CALM2: variants seen among roughly 807,000 people sequenced by gnomAD.
CALM2 encodes the protein calmodulin 2.
Under a neutral mutation model 19.8 loss-of-function variants are expected in CALM2, and 2 were observed. The observed-to-expected ratio is 0.10, with a 90% CI of 0.04 to 0.32. The LOEUF is 0.32. CALM2 is among the 10% of genes least tolerant of loss of function. CALM2 has a pLI of 1.00. For synonymous variants in CALM2, 51 were observed against 52.1 expected (o/e 0.98, Z 0.09); for missense variants, 38 against 178.7 (o/e 0.21, Z 4.49).
chr2:47,176,401 C>A (rs200432431), intron 1 of CALM2, 40 bp downstream of exon 1: 11 of 1,610,816 alleles, frequency 6.8e-6, no homozygotes, highest in Middle Eastern at 1.6e-4. Flanking sequence ...AGTCTCTTCC[C>A]CCCACAGGCC....
upstream of CALM2, chr2:47,176,932 C>G (rs962492982): frequency 1.2e-5 from 12 of 985,342 alleles, no homozygotes; most frequent in Non-Finnish European, 1.4e-5. Context: ...GCTGTCCTGG[C>G]AACTGCGCCA....
At chr2:47,161,167 CTAAGT>C (rs1687141848) in intron 5 of CALM2, among the ~76,000 whole-genome samples, 1 of 152,106 alleles carries the variant, frequency 6.6e-6, no homozygotes, top group Admixed American at 6.6e-5. Flanking sequence ...ATGCTCTTTT[CTAAGT>C]TAAGTAGTTA....
At position 47,170,617 on chromosome 2, in the gene CALM2, T is replaced by A. The variant is rs1399425711; in HGVS notation, c.34+117A>T. 4.8e-6 allele frequency: 4 copies of A among 827,592 alleles called. No individual in the cohort carries two copies. The African/African-American group carries it at 6.7e-5, about 14-fold the overall frequency. The allele number at this position is 827,592 out of a possible 1,614,324, so 51.3% of individuals were successfully genotyped here. A position where few individuals can be genotyped will look rare whatever the true frequency, so the allele number is the denominator to read the frequency against. On this transcript the variant is annotated intron_variant, in intron 2 of 5. Coordinates refer to ENST00000272298, the MANE Select transcript of CALM2 (RefSeq NM_001743.6). ...TACTGTATTATATTATACCCATATG[T>A]TAGTATCCATGACATATACCAAAGT...
In CALM2 at chr2:47,162,887, C is replaced by T. The variant is rs1027478; in HGVS notation, c.35-225G>A. 0.5 allele frequency: 217,135 copies of T among 434,986 alleles called. 58,185 individuals are homozygous for T. Among genetic ancestry groups the T allele is most frequent in the East Asian group, 0.74 (19,049 of 25,618 alleles). The allele number at this position is 434,986 out of a possible 1,614,324, so 26.9% of individuals were successfully genotyped here. On this transcript the variant is annotated intron_variant, in intron 2 of 5. Transcript: ENST00000272298. Reference sequence around the variant, plus strand: ...TAGCAATTGAAATGTGACTTTGACTCCTAAAGATTAACCAATCTTTATGAT... The same window carrying T: ...TAGCAATTGAAATGTGACTTTGACTTCTAAAGATTAACCAATCTTTATGAT...
chr2:47,172,737 C>A, intron 1 of CALM2: 1 of 212,664 alleles, frequency 4.7e-6, no homozygotes, highest in African/African-American at 2.6e-5. Context: ...GACACTGCAG[C>A]CTGTGTGAAA....
At chr2:47,169,740 T>G (rs1414158795) in intron 2 of CALM2, among the ~76,000 whole-genome samples, 1 of 152,172 alleles carries the variant, frequency 6.6e-6, no homozygotes, top group Admixed American at 6.5e-5. Flanking sequence ...AACTTCTATA[T>G]GCTTATGGAA....
upstream of CALM2, chr2:47,176,766 T>C (rs1666888061): frequency 1.0e-6 from 1 of 985,312 alleles, no homozygotes. Flanking sequence ...TGAGGGGCGC[T>C]ACTTTGCGGC....
At chr2:47,176,880 G>T, upstream of CALM2, 1 of 985,390 alleles carries the variant, frequency 1.0e-6, no homozygotes, top group Non-Finnish European at 1.2e-6. Flanking sequence ...CGCAGCCGCC[G>T]CCGGGACGCG....
rs1033600059 is a variant in CALM2 at position 47,169,139 on chromosome 2, G to A, written c.34+1595C>T. ...CATCAACTATGCAATGGCACACTGAGTAACGTTTTCTACCCTAAAGTGAAC... is the reference window on the plus strand; with the variant it reads ...CATCAACTATGCAATGGCACACTGAATAACGTTTTCTACCCTAAAGTGAAC... On this transcript the variant is annotated intron_variant, in intron 2 of 5. Coordinates refer to ENST00000272298, the MANE Select transcript of CALM2 (RefSeq NM_001743.6). Among the ~76,000 whole-genome samples the A allele has an allele frequency of 2.6e-5, 4 of 152,178 alleles. No homozygotes were observed. The South Asian group carries it at 8.3e-4, about 32-fold the overall frequency.
At chr2:47,164,534 T>C (rs979472593) in intron 2 of CALM2, among the ~76,000 whole-genome samples, 1 of 150,096 alleles carries the variant, frequency 6.7e-6, no homozygotes, top group African/African-American at 2.5e-5. Context: ...GAGGCGGAGG[T>C]TGCAGTGAGC....
rs1396956867 is a variant in CALM2 at position 47,162,607 on chromosome 2, T to C, written c.90A>G (p.Thr30=). ...FDKDGDGTIT[T]KELGTVMRSL... is the part of the protein sequence containing the mutation. Reference sequence around the variant, plus strand: ...ATCTCATTACAGTTCCCAATTCCTTTGTTGTTATAGTTCCATCACCATCTT... The same window carrying C: ...ATCTCATTACAGTTCCCAATTCCTTCGTTGTTATAGTTCCATCACCATCTT... Residue 30 remains threonine, a synonymous_variant, in exon 3 of 6, where the codon ACA becomes ACG. Coordinates refer to ENST00000272298, the MANE Select transcript of CALM2 (RefSeq NM_001743.6). 1 of 1,613,338 alleles carries C rather than the reference T, an allele frequency of 6.2e-7. No homozygotes were observed. The highest frequency in any genetic ancestry group is 1.1e-5 in the South Asian group (1 of 90,892).
intron 1 of CALM2, among the ~76,000 whole-genome samples, chr2:47,174,872 T>A (rs1666795894): frequency 6.6e-6 from 1 of 152,142 alleles, no homozygotes; most frequent in South Asian, 2.1e-4. Context: ...AGCATCAAGA[T>A]GAAGCAAATC....
chr2:47,160,924 G>A (rs1687136288), intron 5 of CALM2, 120 bp from the exon 6 acceptor site: 1 of 600,992 alleles, frequency 1.7e-6, no homozygotes, highest in Admixed American at 3.4e-5. Context: ...TCTTTCCTCA[G>A]AATTACCATT....
chr2:47,164,521 C>A (rs372393319), intron 2 of CALM2, among the ~76,000 whole-genome samples: 3 of 151,006 alleles, frequency 2.0e-5, no homozygotes, highest in East Asian at 3.9e-4. Context: ...TGCTTGAACC[C>A]GAGAGGCGGA....
intron 1 of CALM2, chr2:47,172,642 A>G: frequency 2.8e-6 from 1 of 352,900 alleles, no homozygotes; most frequent in South Asian, 2.4e-5. Flanking sequence ...AATTTATGCA[A>G]ACTAAATCCA....
At chr2:47,164,357 CACACACACACACACACACACA>C (rs1486063838) in intron 2 of CALM2, among the ~76,000 whole-genome samples, 1 of 6,876 alleles carries the variant, frequency 1.5e-4, no homozygotes, top group African/African-American at 6.3e-4. Context: ...AACACACACA[CACACACACACACACACACACA>C]CACACACACG....
intron 2 of CALM2, among the ~76,000 whole-genome samples, chr2:47,164,264 A>G (rs1666380720): frequency 7.0e-6 from 1 of 143,748 alleles, no homozygotes; most frequent in African/African-American, 2.5e-5. Context: ...AAGAAAAAGA[A>G]AAGAAACCCC....
At chr2:47,176,891 G>A, upstream of CALM2, 13 of 985,388 alleles carry the variant, frequency 1.3e-5, no homozygotes, top group Non-Finnish European at 1.6e-5. Context: ...CCGGGACGCG[G>A]TGCGGCTTCT....
chr2:47,161,451 T>C (rs1687152183), intron 5 of CALM2, among the ~76,000 whole-genome samples: 1 of 152,208 alleles, frequency 6.6e-6, no homozygotes, highest in Non-Finnish European at 1.5e-5. Context: ...TCAAACTTTA[T>C]ACATGAATCA....
Sources: allele counts gnomAD v4.1 joint callset (sites outside exome capture counted in the v4.1 genomes callset), GRCh38; gene constraint gnomAD v4.1.1; transcripts MANE v1.5; gene names NCBI Gene and HGNC (gene_info 2026-07-23, HGNC 2026-07-21).